Variants in ROBO2 observed in about 807,000 individuals in gnomAD.
ROBO2 encodes the protein roundabout homolog 2.
A neutral mutation model predicts 160.8 loss-of-function variants in ROBO2; 53 were observed. The ratio of observed to expected loss-of-function variants is 0.33; its 90% CI spans 0.26 to 0.41. The LOEUF is 0.41. Among genes scored for constraint, ROBO2 ranks in the 10% least tolerant of loss-of-function variants. The probability of loss-of-function intolerance (pLI) is 1.00; values close to 1 mark genes in which losing one functional copy is unlikely to be tolerated. For missense variants in ROBO2, 1,577 were observed against 1,722.4 expected (o/e 0.92, Z 1.49); for synonymous variants, 664 against 611.7 (o/e 1.09, Z -1.26).
At position 77,014,236 on chromosome 3, in the gene ROBO2, T is replaced by C. The variant is rs193190875; in HGVS notation, c.110-83778T>C. On this transcript the variant is annotated intron_variant, in intron 2 of 26. Transcript: ENST00000487694. Reference sequence around the variant, plus strand: ...GAATTTTTTTTAAAGGCTGCCAAATTGTCCCTGTCTCTTATTCTACATTCC... The same window carrying C: ...GAATTTTTTTTAAAGGCTGCCAAATCGTCCCTGTCTCTTATTCTACATTCC... Among the ~76,000 whole-genome samples the C allele has an allele frequency of 1.8e-3, 267 of 152,256 alleles. 2 individuals are homozygous for C. Among genetic ancestry groups the C allele is most frequent in the African/African-American group, 5.9e-3 (247 of 41,544 alleles).
chr3:77,176,476 CAT>C, intron 2 of ROBO2, among the ~76,000 whole-genome samples: 1 of 152,016 alleles, frequency 6.6e-6, no homozygotes, highest in South Asian at 2.1e-4. Flanking sequence ...CAGGTGTTCA[CAT>C]ATGTTTAAAA....
chr3:77,595,896 T>C (rs1352272475), intron 18 of ROBO2, among the ~76,000 whole-genome samples: 1 of 152,142 alleles, frequency 6.6e-6, no homozygotes, highest in Non-Finnish European at 1.5e-5. Flanking sequence ...TGATTATAGA[T>C]GTTCTATTTC....
At chr3:76,837,786 G>T (rs556091214) in intron 2 of ROBO2, among the ~76,000 whole-genome samples, 2 of 151,804 alleles carry the variant, frequency 1.3e-5, no homozygotes, top group Non-Finnish European at 2.9e-5. Context: ...TTCAGGATAC[G>T]TAACATTTGT....
At chr3:76,058,011 A>G (rs984007906) in intron 2 of ROBO2, among the ~76,000 whole-genome samples, 5 of 152,198 alleles carry the variant, frequency 3.3e-5, no homozygotes, top group Non-Finnish European at 5.9e-5. Flanking sequence ...AACATGAGTG[A>G]GGTAGAAAAA....
intron 2 of ROBO2, among the ~76,000 whole-genome samples, chr3:75,972,699 A>G: frequency 6.6e-6 from 1 of 151,676 alleles, no homozygotes. Context: ...ACATTGAGAC[A>G]TAAATTCTTG....
At chr3:77,157,811 CA>C (rs1040152694) in intron 2 of ROBO2, among the ~76,000 whole-genome samples, 6 of 151,928 alleles carry the variant, frequency 3.9e-5, no homozygotes, top group Non-Finnish European at 8.8e-5. Context: ...TTCTGGAGGG[CA>C]AAAATTGCCA....
intron 2 of ROBO2, among the ~76,000 whole-genome samples, chr3:77,252,184 A>G (rs1406530287): frequency 6.6e-6 from 1 of 152,060 alleles, no homozygotes; most frequent in African/African-American, 2.4e-5. Flanking sequence ...ATTCTGTCAA[A>G]TTTTTGCAAC....
At chr3:76,949,208 T>A (rs1031873794) in intron 2 of ROBO2, among the ~76,000 whole-genome samples, 3 of 152,086 alleles carry the variant, frequency 2.0e-5, no homozygotes, top group Non-Finnish European at 4.4e-5. Flanking sequence ...GAGTTAATTC[T>A]GCCGTATGCT....
intron 2 of ROBO2, among the ~76,000 whole-genome samples, chr3:76,303,395 G>T (rs2071171310): frequency 6.6e-6 from 1 of 151,896 alleles, no homozygotes; most frequent in Non-Finnish European, 1.5e-5. Flanking sequence ...GTGCTATATA[G>T]CAAACCCAGA....
At chr3:75,989,999 AT>A (rs1379946422) in intron 2 of ROBO2, among the ~76,000 whole-genome samples, 2 of 152,206 alleles carry the variant, frequency 1.3e-5, no homozygotes, top group African/African-American at 2.4e-5. Context: ...GGTATAAAAA[AT>A]ATCTCAACTG....
At chr3:75,998,630 G>C (rs190322041) in intron 2 of ROBO2, among the ~76,000 whole-genome samples, 1 of 152,240 alleles carries the variant, frequency 6.6e-6, no homozygotes, top group Admixed American at 6.5e-5. Flanking sequence ...AAAATAAAAG[G>C]TGTTTTCAAA....
In ROBO2 at chr3:75,962,711, AT is replaced by A. The variant is rs541227659; in HGVS notation, c.109+25116del. Among the ~76,000 whole-genome samples, 356 of 151,868 alleles carry A rather than the reference AT, an allele frequency of 2.3e-3. 2 individuals carry two copies. The highest frequency in any genetic ancestry group is 3.8e-3 in the Non-Finnish European group (256 of 67,840). On this transcript the variant is annotated intron_variant, in intron 2 of 26. Transcript: ENST00000487694. ...TCTTATTTTGTTCTCTACAGTCTGT[AT>A]TTTTTTCTTTTCATAATTCTGTAGC...
chr3:77,559,119 G>A (rs929779301), intron 9 of ROBO2, among the ~76,000 whole-genome samples: 3 of 152,052 alleles, frequency 2.0e-5, no homozygotes, highest in Non-Finnish European at 2.9e-5. Context: ...TTCCCCATAT[G>A]ACTACTTGCT....
At chr3:76,612,881 A>G (rs778113583) in intron 2 of ROBO2, among the ~76,000 whole-genome samples, 1 of 152,004 alleles carries the variant, frequency 6.6e-6, no homozygotes, top group East Asian at 1.9e-4. Context: ...TTTTTTTCTG[A>G]CATAAGTATA....
chr3:77,079,997 ATAT>A (rs1030433964), intron 1 of ROBO2, among the ~76,000 whole-genome samples: 2 of 152,174 alleles, frequency 1.3e-5, no homozygotes, highest in African/African-American at 4.8e-5. Context: ...GTGTTAAATA[ATAT>A]TCTCGCTCCG....
chr3:76,521,866 A>G (rs1372040931), intron 2 of ROBO2, among the ~76,000 whole-genome samples: 3 of 152,212 alleles, frequency 2.0e-5, no homozygotes, highest in African/African-American at 7.2e-5. Flanking sequence ...CAAGTTTTTT[A>G]TATATAAACT....
intron 2 of ROBO2, among the ~76,000 whole-genome samples, chr3:77,458,716 C>A (rs1002224534): frequency 6.6e-6 from 1 of 152,018 alleles, no homozygotes; most frequent in East Asian, 1.9e-4. Context: ...TGTTCAAAAT[C>A]ACCATCTCAC....
intron 1 of ROBO2, among the ~76,000 whole-genome samples, chr3:75,911,683 G>A (rs1168590566): frequency 4.1e-5 from 6 of 147,014 alleles, no homozygotes; most frequent in Non-Finnish European, 8.9e-5. Context: ...TCAGCCTCCC[G>A]TGTAGCTGGG....
intron 2 of ROBO2, among the ~76,000 whole-genome samples, chr3:76,194,765 G>A (rs772937254): frequency 4.9e-4 from 75 of 151,792 alleles, no homozygotes; most frequent in Non-Finnish European, 8.8e-4. Flanking sequence ...GACTACAGGC[G>A]CCCGCCACCA....
Sources: allele counts gnomAD v4.1 joint callset (sites outside exome capture counted in the v4.1 genomes callset), GRCh38; gene constraint gnomAD v4.1.1; transcripts MANE v1.5; gene names NCBI Gene and HGNC (gene_info 2026-07-23, HGNC 2026-07-21).